The following TEX9 variants were observed in gnomAD, a reference collection of about 807,000 sequenced individuals.
TEX9 encodes testis expressed 9.
In TEX9, 74 loss-of-function variants were observed where a neutral mutation model predicts 59.6. The ratio of observed to expected loss-of-function variants is 1.24; its 90% CI spans 1.03 to 1.51. The LOEUF (loss-of-function observed/expected upper bound fraction) is 1.51. Among genes scored for constraint, TEX9 ranks in the 40% most tolerant of loss-of-function variants. TEX9 has a pLI of 0.00. For missense variants in TEX9, 522 were observed against 447.8 expected (o/e 1.17, Z -1.49); for synonymous variants, 186 against 152.2 (o/e 1.22, Z -1.64).
intron 1 of TEX9, among the ~76,000 whole-genome samples, chr15:56,262,029 T>G (rs1435590886): frequency 6.6e-6 from 1 of 152,172 alleles, no homozygotes; most frequent in African/African-American, 2.4e-5. Context: ...GTCATTCTGC[T>G]ACACAACTGC....
chr15:56,373,316 G>C lies in TEX9; in HGVS notation c.120-125G>C, dbSNP rs1481659757. 6 of 785,690 alleles carry C rather than the reference G, an allele frequency of 7.6e-6. No individual in the cohort carries two copies. The African/African-American group carries it at 1.1e-4, about 15-fold the overall frequency. 48.7% of individuals were successfully genotyped at this position (785,690 alleles called of 1,614,324 possible). A position where few individuals can be genotyped will look rare whatever the true frequency, so the allele number is the denominator to read the frequency against. On this transcript the variant is annotated intron_variant, in intron 2 of 12. Transcript: ENST00000352903. ...TCTTAATGGCTGTGTTCATTTTAGA[G>C]TAAGAATGCCATATGTATATTTTGG...
chr15:56,415,620 C>T (rs1196216834), intron 10 of TEX9, among the ~76,000 whole-genome samples: 3 of 151,574 alleles, frequency 2.0e-5, no homozygotes, highest in African/African-American at 7.3e-5. Context: ...TGTTTTTGTA[C>T]CATGTGCTGT....
chr15:56,293,868 C>T (rs1230580018), intron 1 of TEX9, among the ~76,000 whole-genome samples: 1 of 152,234 alleles, frequency 6.6e-6, no homozygotes, highest in African/African-American at 2.4e-5. Context: ...CTGGACTCTA[C>T]ATGTCTCTTC....
intron 1 of TEX9, among the ~76,000 whole-genome samples, chr15:56,262,222 G>A (rs953741742): frequency 1.3e-5 from 2 of 152,208 alleles, no homozygotes; most frequent in Non-Finnish European, 2.9e-5. Context: ...TATTTAAAGG[G>A]CCAAAACGCA....
At chr15:56,419,999 CT>C (rs1169122359) in intron 10 of TEX9, among the ~76,000 whole-genome samples, 1 of 150,920 alleles carries the variant, frequency 6.6e-6, no homozygotes, top group East Asian at 1.9e-4. Flanking sequence ...GTTTTGGGTG[CT>C]TACATCTGTC....
intron 1 of TEX9, among the ~76,000 whole-genome samples, chr15:56,271,391 T>A (rs1272900007): frequency 1.3e-5 from 2 of 152,224 alleles, no homozygotes; most frequent in Non-Finnish European, 2.9e-5. Context: ...AATTTCATCT[T>A]GAATCACTGA....
intron 1 of TEX9, among the ~76,000 whole-genome samples, chr15:56,248,519 T>C (rs554070207): frequency 1.2e-4 from 18 of 152,236 alleles, no homozygotes; most frequent in Non-Finnish European, 2.2e-4. Flanking sequence ...CATAATATAC[T>C]CAGCTCTTCA....
At chr15:56,269,045 T>G (rs2044459245) in intron 1 of TEX9, among the ~76,000 whole-genome samples, 1 of 152,158 alleles carries the variant, frequency 6.6e-6, no homozygotes, top group Admixed American at 6.5e-5. Flanking sequence ...CTTCCTTGTT[T>G]AGTCTTGGGA....
intron 1 of TEX9, among the ~76,000 whole-genome samples, chr15:56,310,669 C>G (rs1596079559): frequency 6.6e-6 from 1 of 152,082 alleles, no homozygotes; most frequent in Non-Finnish European, 1.5e-5. Context: ...TCAGTGGAAG[C>G]CTGGACAGGT....
chr15:56,391,168 A>G lies in TEX9; in HGVS notation c.396-75A>G, dbSNP rs764662443. 67 of 963,652 alleles carry G rather than the reference A, an allele frequency of 7.0e-5. No homozygotes were observed. The Middle Eastern group carries it at 1.1e-3, about 16-fold the overall frequency. 59.7% of individuals were successfully genotyped at this position (963,652 alleles called of 1,614,324 possible). A position where few individuals can be genotyped will look rare whatever the true frequency, so the allele number is the denominator to read the frequency against. On this transcript the variant is annotated intron_variant, in intron 6 of 12. Transcript: ENST00000352903. ...ATCTGCTTATTTGGGTAAAAGGCATATATCCTGTCTACCTTTCCTATTTTG... is the reference window on the plus strand; with the variant it reads ...ATCTGCTTATTTGGGTAAAAGGCATGTATCCTGTCTACCTTTCCTATTTTG...
At chr15:56,312,621 G>C (rs377446645) in intron 1 of TEX9, among the ~76,000 whole-genome samples, 275 of 146,384 alleles carry the variant, frequency 1.9e-3, no homozygotes, top group African/African-American at 6.7e-3. Context: ...TTGACTTGGT[G>C]ATGCGGGCTC....
intron 2 of TEX9, 46 bp downstream of exon 2, chr15:56,365,716 A>G: frequency 6.2e-7 from 1 of 1,612,008 alleles, no homozygotes; most frequent in Non-Finnish European, 8.5e-7. Flanking sequence ...TTTCATCTGA[A>G]TGAGGCTGCT....
intron 1 of TEX9, among the ~76,000 whole-genome samples, chr15:56,345,199 G>A (rs2046447997): frequency 6.6e-6 from 1 of 151,644 alleles, no homozygotes; most frequent in Non-Finnish European, 1.5e-5. Flanking sequence ...GACCTCCACT[G>A]AATGAATAGA....
At chr15:56,269,057 GGT>G (rs1596054704) in intron 1 of TEX9, among the ~76,000 whole-genome samples, 1 of 151,872 alleles carries the variant, frequency 6.6e-6, no homozygotes, top group African/African-American at 2.4e-5. Flanking sequence ...GTCTTGGGAG[GGT>G]GTGTGTGTCA....
the TEX9 span, among the ~76,000 whole-genome samples, chr15:56,460,009 A>AAAAAAAAAAAAATATATAT: frequency 2.7e-4 from 7 of 26,386 alleles, 2 homozygotes; most frequent in African/African-American, 6.0e-4. Context: ...AAAAAAAAAA[A>AAAAAAAAAAAAATATATAT]ATACATATAT....
intron 12 of TEX9, among the ~76,000 whole-genome samples, chr15:56,437,503 A>C (rs1369390799): frequency 6.6e-6 from 1 of 152,200 alleles, no homozygotes; most frequent in African/African-American, 2.4e-5. Flanking sequence ...ACCCACAGCC[A>C]ATATCATACT....
intron 1 of TEX9, among the ~76,000 whole-genome samples, chr15:56,339,047 C>T (rs2046313519): frequency 6.6e-6 from 1 of 151,868 alleles, no homozygotes; most frequent in South Asian, 2.1e-4. Context: ...TGTGGGAGGG[C>T]CTAGTAGTCC....
chr15:56,389,285 A>G, intron 5 of TEX9, 33 bp from the exon 6 acceptor site: 1 of 1,536,032 alleles, frequency 6.5e-7, no homozygotes. Context: ...ATTAGACTCT[A>G]ATTAGTCAAT....
At chr15:56,266,770 A>T (rs1436140905) in intron 1 of TEX9, among the ~76,000 whole-genome samples, 2 of 152,218 alleles carry the variant, frequency 1.3e-5, no homozygotes, top group African/African-American at 4.8e-5. Context: ...TATTGTGAAT[A>T]GTGCTGCAAT....
Sources: allele counts gnomAD v4.1 joint callset (sites outside exome capture counted in the v4.1 genomes callset), GRCh38; gene constraint gnomAD v4.1.1; transcripts MANE v1.5; gene names NCBI Gene and HGNC (gene_info 2026-07-23, HGNC 2026-07-21).